CD247: variants seen among roughly 807,000 people sequenced by gnomAD.
CD247 encodes CD247 molecule, also known as T-cell surface glycoprotein CD3 zeta chain.
A neutral mutation model predicts 30.0 loss-of-function variants in CD247; 13 were observed. The ratio of observed to expected loss-of-function variants is 0.43; its 90% CI spans 0.28 to 0.69. The LOEUF is 0.69. Ranked by LOEUF, CD247 falls within the 30% of genes least tolerant of loss-of-function variation. The probability of loss-of-function intolerance (pLI) is 0.16; values close to 1 mark genes in which losing one functional copy is unlikely to be tolerated. For synonymous variants in CD247, 72 were observed against 80.0 expected, an observed-to-expected ratio of 0.90 and a Z score of 0.53; for missense variants, 193 against 212.6, an observed-to-expected ratio of 0.91 and a Z score of 0.57.
At chr1:167,499,951 A>G (rs938000132) in intron 1 of CD247, among the ~76,000 whole-genome samples, 3 of 152,226 alleles carry the variant, frequency 2.0e-5, no homozygotes, top group Non-Finnish European at 4.4e-5. Context: ...AAAGTGTGCC[A>G]TAACTGCTCA....
At chr1:167,510,859 T>A (rs1226376939) in intron 1 of CD247, among the ~76,000 whole-genome samples, 1 of 152,166 alleles carries the variant, frequency 6.6e-6, no homozygotes, top group Non-Finnish European at 1.5e-5. Context: ...CTACAGCCCA[T>A]CACAGACATC....
intron 1 of CD247, among the ~76,000 whole-genome samples, chr1:167,499,148 CA>C (rs1162198307): frequency 6.6e-6 from 1 of 152,182 alleles, no homozygotes; most frequent in Non-Finnish European, 1.5e-5. Flanking sequence ...ATTTTGCCCC[CA>C]GGAAACATTT....
In CD247 at chr1:167,430,790, G is replaced by A. The variant is rs926053939; in HGVS notation, c.*891C>T. 5.0e-5 allele frequency: 20 copies of A among 398,570 alleles called. No individual in the cohort carries two copies. The highest frequency in any genetic ancestry group is 8.8e-5 in the Non-Finnish European group (20 of 226,108). 24.7% of individuals were successfully genotyped at this position (398,570 alleles called of 1,614,324 possible). A position where few individuals can be genotyped will look rare whatever the true frequency, so the allele number is the denominator to read the frequency against. On this transcript the variant is annotated 3_prime_UTR_variant, in exon 8 of 8. Coordinates refer to ENST00000362089, the MANE Select transcript of CD247 (RefSeq NM_198053.3). ...CGCAGCAGTATCCTAGTACATTGAC[G>A]GGTTTTTCCTGTCCTGCCACTGTCC...
chr1:167,462,277 G>A (rs2995090), intron 1 of CD247, among the ~76,000 whole-genome samples: 143,164 of 152,292 alleles, frequency 0.94, 67,585 homozygotes, highest in East Asian at 1. Flanking sequence ...ACCAGCCAGC[G>A]TCCCTGAAGC....
chr1:167,446,954 C>A (rs369885272), intron 1 of CD247, among the ~76,000 whole-genome samples: 1 of 152,024 alleles, frequency 6.6e-6, no homozygotes, highest in South Asian at 2.1e-4. Context: ...GAGATTACGC[C>A]ACTACACTCC....
chr1:167,515,867 T>C lies in CD247; in HGVS notation c.58+2541A>G, dbSNP rs760872113. On this transcript the variant is annotated intron_variant, in intron 1 of 7. Transcript: ENST00000362089. The stretch of plus-strand genomic sequence containing the variant: ...ACAGTCCGAGATGTAATAATAGTAA[T>C]AGTAAATACAATGTTTACTTATTGG... Among the ~76,000 whole-genome samples the C allele has an allele frequency of 1.7e-3, 257 of 152,360 alleles. 1 individual carries two copies. Among genetic ancestry groups the C allele is most frequent in the Non-Finnish European group, 2.0e-3 (134 of 68,032 alleles).
At chr1:167,516,690 T>A (rs1255178507) in intron 1 of CD247, among the ~76,000 whole-genome samples, 1 of 152,110 alleles carries the variant, frequency 6.6e-6, no homozygotes, top group African/African-American at 2.4e-5. Context: ...TTATCTAAAA[T>A]AGCTAAAATA....
chr1:167,454,676 T>TTAC (rs397692798), intron 1 of CD247, among the ~76,000 whole-genome samples: 3 of 151,634 alleles, frequency 2.0e-5, no homozygotes, highest in African/African-American at 7.3e-5. Flanking sequence ...ATTGTTATTA[T>TTAC]CCAGTGCTGT....
intron 1 of CD247, among the ~76,000 whole-genome samples, chr1:167,485,439 T>C (rs35768224): frequency 0.029 from 4,475 of 152,250 alleles, 100 homozygotes; most frequent in Middle Eastern, 0.044. Flanking sequence ...GGTTTGTTTT[T>C]GGGTGGGGAA....
chr1:167,475,785 C>T (rs559050133), intron 1 of CD247, among the ~76,000 whole-genome samples: 28 of 152,190 alleles, frequency 1.8e-4, no homozygotes, highest in African/African-American at 6.5e-4. Flanking sequence ...AACCTAGCTT[C>T]GTACAGTTCA....
At chr1:167,518,159 C>T (rs556154292) in intron 1 of CD247, among the ~76,000 whole-genome samples, 139 of 152,248 alleles carry the variant, frequency 9.1e-4, no homozygotes, top group Non-Finnish European at 1.5e-3. Flanking sequence ...TCTTATCACT[C>T]GAAAAATCTG....
At position 167,518,511 on chromosome 1, in the gene CD247, A is replaced by G; in HGVS notation, c.-46T>C. ...GAGGCTGGGAGGCAGAGGCTGAGGC[A>G]GCGGTGGCCGGGACGGTTAGGAGAA... On this transcript the variant is annotated 5_prime_UTR_variant, in exon 1 of 8. Transcript: ENST00000362089. The G allele has an allele frequency of 6.4e-7, 1 of 1,562,806 alleles. No individual in the cohort carries two copies. Among genetic ancestry groups the G allele is most frequent in the South Asian group, 1.1e-5 (1 of 90,028 alleles).
chr1:167,436,186 A>G (rs1045688898), intron 4 of CD247, among the ~76,000 whole-genome samples: 1 of 152,254 alleles, frequency 6.6e-6, no homozygotes, highest in African/African-American at 2.4e-5. Flanking sequence ...AACATGATAC[A>G]CCACATTAAC....
intron 1 of CD247, among the ~76,000 whole-genome samples, chr1:167,508,542 T>C (rs1211957646): frequency 6.6e-6 from 1 of 152,228 alleles, no homozygotes. Context: ...TTGTTCCCAA[T>C]GAAACCCAAA....
intron 7 of CD247, 86 bp downstream of exon 7, chr1:167,432,938 C>A (rs1651344540): frequency 6.8e-7 from 1 of 1,462,378 alleles, no homozygotes; most frequent in Non-Finnish European, 9.6e-7. Flanking sequence ...AGAGCTGGTG[C>A]CACCAGCAGG....
At chr1:167,501,206 C>T (rs1430412174) in intron 1 of CD247, among the ~76,000 whole-genome samples, 1 of 152,056 alleles carries the variant, frequency 6.6e-6, no homozygotes, top group Admixed American at 6.6e-5. Context: ...AGGCATGCCA[C>T]CACACCTGGC....
At chr1:167,439,617 T>C (rs1308322344) in intron 2 of CD247, 1 of 591,552 alleles carries the variant, frequency 1.7e-6, no homozygotes, top group Non-Finnish European at 3.0e-6. Flanking sequence ...CTGTGACACG[T>C]GCATTCATCA....
At chr1:167,443,446 C>T (rs1445544216) in intron 1 of CD247, among the ~76,000 whole-genome samples, 1 of 152,210 alleles carries the variant, frequency 6.6e-6, no homozygotes, top group Non-Finnish European at 1.5e-5. Context: ...AAGCCAGCCC[C>T]CATGAAGGCC....
intron 1 of CD247, among the ~76,000 whole-genome samples, chr1:167,460,331 A>C (rs1019453139): frequency 3.9e-5 from 6 of 152,188 alleles, no homozygotes. Flanking sequence ...GAGCCCGAGG[A>C]GGTCCAGGCT....
Sources: allele counts gnomAD v4.1 joint callset (sites outside exome capture counted in the v4.1 genomes callset), GRCh38; gene constraint gnomAD v4.1.1; transcripts MANE v1.5; gene names NCBI Gene and HGNC (gene_info 2026-07-23, HGNC 2026-07-21).